SLC9A9: variants seen among roughly 807,000 people sequenced by gnomAD.
SLC9A9 encodes the protein solute carrier family 9 member A9.
In SLC9A9, 62 loss-of-function variants were observed where a neutral mutation model predicts 77.8. The observed-to-expected ratio is 0.80, with a 90% CI of 0.65 to 0.98. SLC9A9 has a LOEUF of 0.98. SLC9A9 is among the 50% of genes least tolerant of loss of function. SLC9A9 has a pLI of 0.00. For synonymous variants in SLC9A9, 320 were observed against 283.5 expected (o/e 1.13, Z -1.29); for missense variants, 775 against 774.9 (o/e 1.00, Z 0.00).
chr3:143,727,396 G>A (rs1001377856), intron 4 of SLC9A9, among the ~76,000 whole-genome samples: 1 of 151,990 alleles, frequency 6.6e-6, no homozygotes, highest in Admixed American at 6.5e-5. Context: ...ATACTACTTG[G>A]AGCATCAATA....
At chr3:143,452,526 C>T (rs1055219789) in intron 12 of SLC9A9, among the ~76,000 whole-genome samples, 1 of 141,448 alleles carries the variant, frequency 7.1e-6, no homozygotes, top group Admixed American at 6.9e-5. Context: ...AAAAAAAAGA[C>T]CAAATGCAAC....
Position 143,552,406 on chromosome 3 carries a change from T to C in SLC9A9, c.1045A>G (p.Thr349Ala). Residue 349 changes from threonine to alanine, a missense_variant, in exon 9 of 16, where the codon ACC becomes GCC. By Grantham distance (58) the Thr-to-Ala change is moderately conservative (BLOSUM62 0). Transcript: ENST00000316549. ...GAATCCGAAGACAGATTGTTGTAGG[T>C]ATAATGTGCTTGTGTGACTCCACAG... Reference protein sequence around the residue: ...LFCGVTQAHYTYNNLSSDSKI... With the variant: ...LFCGVTQAHYAYNNLSSDSKI... 1.9e-6 allele frequency: 3 copies of C among 1,613,256 alleles called. No individual in the cohort carries two copies. The highest frequency in any genetic ancestry group is 1.7e-6 in the Non-Finnish European group (2 of 1,179,558).
chr3:143,738,137 C>T (rs112885286), intron 4 of SLC9A9, among the ~76,000 whole-genome samples: 3 of 152,176 alleles, frequency 2.0e-5, no homozygotes, highest in Admixed American at 6.5e-5. Context: ...GTGAGATGCT[C>T]TATTGCTAGA....
chr3:143,571,940 A>G (rs1576584125), intron 8 of SLC9A9, among the ~76,000 whole-genome samples: 2 of 152,378 alleles, frequency 1.3e-5, no homozygotes, highest in Non-Finnish European at 2.9e-5. Flanking sequence ...GAAAATGCTC[A>G]CACCTAGAAT....
chr3:143,495,187 C>A, intron 10 of SLC9A9, 148 bp downstream of exon 10: 2 of 643,156 alleles, frequency 3.1e-6, no homozygotes, highest in Non-Finnish European at 5.5e-6. Flanking sequence ...TGTTTTCCTC[C>A]CCTAACTAGA....
At chr3:143,737,211 C>A (rs1328006986) in intron 4 of SLC9A9, among the ~76,000 whole-genome samples, 1 of 152,114 alleles carries the variant, frequency 6.6e-6, no homozygotes. Flanking sequence ...TTTAATTAGT[C>A]CTTTAACTGG....
chr3:143,534,519 T>C (rs1245251423), intron 9 of SLC9A9, among the ~76,000 whole-genome samples: 1 of 152,180 alleles, frequency 6.6e-6, no homozygotes, highest in East Asian at 1.9e-4. Context: ...CAGGCAATGA[T>C]GCTGCTTGGA....
At chr3:143,407,316 T>C (rs1203561264) in intron 12 of SLC9A9, among the ~76,000 whole-genome samples, 7 of 152,208 alleles carry the variant, frequency 4.6e-5, no homozygotes, top group Non-Finnish European at 4.4e-5. Context: ...AGCAGGACTC[T>C]ATACTGTAAG....
intron 12 of SLC9A9, among the ~76,000 whole-genome samples, chr3:143,399,216 T>C (rs1008851815): frequency 2.6e-5 from 4 of 152,134 alleles, no homozygotes; most frequent in African/African-American, 4.8e-5. Flanking sequence ...ATGGGTAAGC[T>C]AGGAAGCTGC....
At chr3:143,629,275 G>A (rs1282163950) in intron 6 of SLC9A9, among the ~76,000 whole-genome samples, 1 of 152,206 alleles carries the variant, frequency 6.6e-6, no homozygotes, top group Non-Finnish European at 1.5e-5. Flanking sequence ...TACATACTGA[G>A]TATCTACTAG....
intron 4 of SLC9A9, among the ~76,000 whole-genome samples, chr3:143,733,956 G>A (rs1934874537): frequency 1.3e-5 from 2 of 152,072 alleles, no homozygotes; most frequent in Non-Finnish European, 2.9e-5. Flanking sequence ...CAGCACTTTG[G>A]GACACCAAGG....
At chr3:143,765,009 TTC>T (rs1163894162) in intron 4 of SLC9A9, among the ~76,000 whole-genome samples, 39 of 149,928 alleles carry the variant, frequency 2.6e-4, no homozygotes, top group East Asian at 7.7e-4. Flanking sequence ...CTTTCTTTCT[TTC>T]TCTCTTTCTC....
chr3:143,806,737 T>TGGGGG (rs59001728), intron 2 of SLC9A9, among the ~76,000 whole-genome samples: 8 of 148,814 alleles, frequency 5.4e-5, no homozygotes, highest in South Asian at 2.2e-4. Context: ...TATGTGGTGG[T>TGGGGG]GGGGGGGGCA....
chr3:143,655,937 C>T (rs1172418299), intron 5 of SLC9A9, among the ~76,000 whole-genome samples: 2 of 152,136 alleles, frequency 1.3e-5, no homozygotes, highest in South Asian at 2.1e-4. Flanking sequence ...GAGGCTTTCT[C>T]TTAGACATCT....
At chr3:143,298,832 T>C (rs1395400025) in intron 14 of SLC9A9, among the ~76,000 whole-genome samples, 1 of 152,186 alleles carries the variant, frequency 6.6e-6, no homozygotes, top group Non-Finnish European at 1.5e-5. Context: ...TTCTAGATAG[T>C]ATGTGTCTTA....
chr3:143,299,317 C>T (rs943219590), intron 14 of SLC9A9, among the ~76,000 whole-genome samples: 3 of 152,162 alleles, frequency 2.0e-5, no homozygotes, highest in African/African-American at 7.2e-5. Context: ...TGCAGAGCAG[C>T]TCTGTATAGG....
chr3:143,847,925 C>T (rs1559826136), intron 1 of SLC9A9: 5 of 587,308 alleles, frequency 8.5e-6, no homozygotes, highest in South Asian at 3.9e-5. Flanking sequence ...CATTATGTGC[C>T]GTGTGAGAAC....
intron 9 of SLC9A9, among the ~76,000 whole-genome samples, chr3:143,534,062 A>C (rs2036553634): frequency 6.6e-6 from 1 of 152,232 alleles, no homozygotes; most frequent in Admixed American, 6.5e-5. Context: ...AAAACTGTTT[A>C]TGGGAAGAAA....
Position 143,574,162 on chromosome 3 carries a change from G to A in SLC9A9, c.926C>T (p.Pro309Leu), listed in dbSNP as rs775325802. 80 of 1,613,350 alleles carry A rather than the reference G, an allele frequency of 5.0e-5. No homozygotes were observed. The highest frequency in any genetic ancestry group is 4.7e-4 in the East Asian group (21 of 44,828). ...LTKFTKLCEF[P>L]MLETGLFFLL... ...GAAAAACAGGCCGGTTTCCAGCATC[G>A]GGAACTCACACAGCTTGGTAAATTT... The change falls in exon 8 of 16, where the codon CCG becomes CTG. Residue 309 changes from proline (P) to leucine (L), a missense_variant. Coordinates refer to ENST00000316549, the MANE Select transcript of SLC9A9 (RefSeq NM_173653.4).
Sources: allele counts gnomAD v4.1 joint callset (sites outside exome capture counted in the v4.1 genomes callset), GRCh38; gene constraint gnomAD v4.1.1; transcripts MANE v1.5; gene names NCBI Gene and HGNC (gene_info 2026-07-23, HGNC 2026-07-21).